Variants in FBN2 observed in about 807,000 individuals in gnomAD.
FBN2 encodes the protein fibrillin 2, also known as fibrillin-2.
A neutral mutation model predicts 355.6 loss-of-function variants in FBN2; 105 were observed. The observed-to-expected ratio is 0.30, with a 90% confidence interval of 0.25 to 0.35. The LOEUF is 0.35. FBN2 is among the 10% of genes least tolerant of loss of function. FBN2 has a pLI of 1.00. For synonymous variants in FBN2, 1,350 were observed against 1,301.2 expected (o/e 1.04, Z -0.81); for missense variants, 3,280 against 3,758.7 (o/e 0.87, Z 3.33).
intron 10 of FBN2, among the ~76,000 whole-genome samples, chr5:128,392,576 C>G (rs913013777): frequency 1.3e-5 from 2 of 152,198 alleles, no homozygotes; most frequent in African/African-American, 4.8e-5. Flanking sequence ...ATGTCAAGCA[C>G]ACAAATGCCA....
intron 18 of FBN2, among the ~76,000 whole-genome samples, chr5:128,362,781 A>G (rs574785173): frequency 2.0e-5 from 3 of 152,260 alleles, no homozygotes; most frequent in African/African-American, 7.2e-5. Flanking sequence ...TTTAATCTTC[A>G]TATTCTTCCA....
chr5:128,470,395 C>T (rs76363463), intron 5 of FBN2, among the ~76,000 whole-genome samples: 1 of 152,150 alleles, frequency 6.6e-6, no homozygotes, highest in African/African-American at 2.4e-5. Flanking sequence ...ACCAGACAAC[C>T]TTTGGAGAAG....
intron 5 of FBN2, among the ~76,000 whole-genome samples, chr5:128,479,966 CTCTCTCTCTCTATATATATATATA>C (rs1171518602): frequency 1.2e-3 from 37 of 31,572 alleles, no homozygotes; most frequent in African/African-American, 3.2e-3. Context: ...CTCTCTCTCT[CTCTCTCTCTCTATATATATATATA>C]TATATATATA....
chr5:128,341,508 A>G (rs1043390523), intron 25 of FBN2, among the ~76,000 whole-genome samples: 5 of 152,172 alleles, frequency 3.3e-5, no homozygotes, highest in African/African-American at 1.2e-4. Context: ...TCGCTGGCAG[A>G]AAGCCCTCAG....
rs766645987 is a variant in FBN2 at position 128,335,981 on chromosome 5, C to T, written c.3724+7G>A. 1 of 1,613,886 alleles carries T rather than the reference C, an allele frequency of 6.2e-7. No individual in the cohort carries two copies. Among genetic ancestry groups the T allele is most frequent in the East Asian group, 2.2e-5 (1 of 44,872 alleles). On this transcript the variant is annotated splice_region_variant and intron_variant, in intron 28 of 64. Transcript: ENST00000262464. ...ATGAGTTTCAGGCCTGCTTGGTCTC[C>T]CCTTACCTGTACAGCCCTGGCGGTC...
In FBN2 at chr5:128,273,755, C is replaced by A. The variant is rs1765320008; in HGVS notation, c.7840+85G>T. Reference sequence around the variant, plus strand: ...GTTCAATACTTTTTTTTCTTTTTTTCAGATTATACCAATTTGTCTTGGAAG... The same window carrying A: ...GTTCAATACTTTTTTTTCTTTTTTTAAGATTATACCAATTTGTCTTGGAAG... On this transcript the variant is annotated intron_variant, in intron 61 of 64. Coordinates refer to ENST00000262464, the MANE Select transcript of FBN2 (RefSeq NM_001999.4). 5 of 1,393,742 alleles carry A rather than the reference C, an allele frequency of 3.6e-6. No individual in the cohort carries two copies. The East Asian group carries it at 1.2e-4, about 32-fold the overall frequency. The allele number at this position is 1,393,742 out of a possible 1,614,324, so 86.3% of individuals were successfully genotyped here. A position where few individuals can be genotyped will look rare whatever the true frequency, so the allele number is the denominator to read the frequency against.
chr5:128,446,095 C>A, intron 7 of FBN2: 1 of 181,852 alleles, frequency 5.5e-6, no homozygotes. Flanking sequence ...GACACGGTGC[C>A]AACTACTAAC....
chr5:128,288,959 A>C (rs1189250250), intron 52 of FBN2, among the ~76,000 whole-genome samples, 168 bp downstream of exon 52: 1 of 152,204 alleles, frequency 6.6e-6, no homozygotes, highest in African/African-American at 2.4e-5. Flanking sequence ...TCTTCACATA[A>C]ATCAGGTCTG....
chr5:128,424,022 A>T (rs1753421095), intron 7 of FBN2, among the ~76,000 whole-genome samples: 1 of 152,188 alleles, frequency 6.6e-6, no homozygotes, highest in South Asian at 2.1e-4. Context: ...AATCACTGTC[A>T]TGATGAACGT....
rs1755124530 is a variant in FBN2, at chr5:128,479,974, CTCTA to C, written c.629-15057_629-15054del. On this transcript the variant is annotated intron_variant, in intron 5 of 64. Coordinates refer to ENST00000262464, the MANE Select transcript of FBN2 (RefSeq NM_001999.4). Reference sequence around the variant, plus strand: ...TCTCTCTCTCTCTCTCTCTCTCTCTCTCTATATATATATATATATATATATATAT... The same window carrying C: ...TCTCTCTCTCTCTCTCTCTCTCTCTCTATATATATATATATATATATATAT... Among the ~76,000 whole-genome samples, 8 of 17,212 alleles carry C rather than the reference CTCTA, an allele frequency of 4.6e-4. No homozygotes were observed. In the East Asian group the frequency reaches 6.7e-3, roughly 14 times the overall value. 11.3% of individuals were successfully genotyped at this position (17,212 alleles called of 152,430 possible). A position where few individuals can be genotyped will look rare whatever the true frequency, so the allele number is the denominator to read the frequency against.
At chr5:128,489,440 GC>G (rs58279170) in intron 5 of FBN2, among the ~76,000 whole-genome samples, 31,967 of 151,910 alleles carry the variant, frequency 0.21, 6,026 homozygotes, top group African/African-American at 0.51. Flanking sequence ...TCTTTTACAT[GC>G]TTTTAGGCTG....
Position 128,345,526 on chromosome 5 carries a change from A to G in FBN2, c.3048T>C (p.Val1016=). 1 of 1,614,146 alleles carries G rather than the reference A, an allele frequency of 6.2e-7. No individual in the cohort carries two copies. Among genetic ancestry groups the G allele is most frequent in the Non-Finnish European group, 8.5e-7 (1 of 1,180,018 alleles). ...AGGCATCCATGCGGAACTTTCCAGG[A>G]ACGGGGTGGATGCATTCATCTTCAT... ...KWDEDECIHP[V]PGKFRMDACC... Residue 1016 remains valine (V), a synonymous_variant, in exon 24 of 65, where the codon GTT becomes GTC. Transcript: ENST00000262464.
At chr5:128,509,161 C>G (rs1756044280) in intron 5 of FBN2, among the ~76,000 whole-genome samples, 1 of 151,900 alleles carries the variant, frequency 6.6e-6, no homozygotes, top group South Asian at 2.1e-4. Flanking sequence ...AAATTTTGAC[C>G]ATTATTTCTT....
chr5:128,323,106 T>C (rs955393519), intron 34 of FBN2, among the ~76,000 whole-genome samples: 2 of 152,232 alleles, frequency 1.3e-5, no homozygotes, highest in Non-Finnish European at 2.9e-5. Flanking sequence ...TGCACACCGA[T>C]TTTGTATCCT....
At chr5:128,313,642 A>G (rs769806529) in intron 36 of FBN2, among the ~76,000 whole-genome samples, 2 of 151,924 alleles carry the variant, frequency 1.3e-5, no homozygotes, top group Non-Finnish European at 2.9e-5. Context: ...TTCAAAACAT[A>G]TCTGGAATCG....
chr5:128,289,939 G>A lies in FBN2; in HGVS notation c.6454C>T (p.Gln2152Ter), dbSNP rs1240185443. ...CCATGGCCATATGGACACAAATCCT[G>A]AAATGCAACTACAAAGAAAAATACA... Reference protein sequence around the residue: ...LCPKDDEVAFQDLCPYGHGTV... With the variant: ...LCPKDDEVAF The change falls in exon 51 of 65, where the codon CAG (glutamine) becomes TAG (stop). Residue 2152 changes from glutamine to a stop codon, truncating the protein, a stop_gained. Transcript: ENST00000262464. LOFTEE classifies it high-confidence loss of function. 3 of 1,594,556 alleles carry A rather than the reference G, an allele frequency of 1.9e-6. No individual in the cohort carries two copies. The highest frequency in any genetic ancestry group is 2.6e-6 in the Non-Finnish European group (3 of 1,162,544).
At chr5:128,327,913 T>C (rs531681726) in intron 34 of FBN2, among the ~76,000 whole-genome samples, 17 of 152,352 alleles carry the variant, frequency 1.1e-4, no homozygotes, top group Admixed American at 3.9e-4. Context: ...GCTGGGAATA[T>C]AGGCGTGAGC....
At chr5:128,407,923 C>A (rs1752972767) in intron 8 of FBN2, among the ~76,000 whole-genome samples, 1 of 152,194 alleles carries the variant, frequency 6.6e-6, no homozygotes, top group African/African-American at 2.4e-5. Context: ...GACCAAACAA[C>A]ACCATTCTTT....
chr5:128,530,796 G>T, intron 2 of FBN2, 103 bp from the exon 3 acceptor site: 1 of 762,540 alleles, frequency 1.3e-6, no homozygotes. Flanking sequence ...GAAAAACTAA[G>T]ATAAAATATA....
Sources: gnomAD v4.1 joint callset for allele counts (sites outside exome capture counted in the v4.1 genomes callset) on GRCh38, gnomAD v4.1.1 for gene constraint, MANE v1.5 for transcripts, NCBI Gene and HGNC (gene_info 2026-07-23, HGNC 2026-07-21) for gene names.